Variants in MACROD2 observed in about 807,000 individuals in gnomAD.
MACROD2 encodes the protein ADP-ribose glycohydrolase MACROD2.
MACROD2 carries 36 observed loss-of-function variants against 70.4 expected under a neutral mutation model. The ratio of observed to expected loss-of-function variants is 0.51; its 90% CI spans 0.39 to 0.68. The LOEUF (loss-of-function observed/expected upper bound fraction) is 0.68, where lower values mean the gene tolerates loss of function less well. Among genes scored for constraint, MACROD2 ranks in the 30% least tolerant of loss-of-function variants. The probability of loss-of-function intolerance (pLI) is 0.00; values close to 1 mark genes in which losing one functional copy is unlikely to be tolerated. For missense variants in MACROD2, 496 were observed against 538.4 expected, an observed-to-expected ratio of 0.92 and a Z score of 0.78; for synonymous variants, 172 against 178.8, an observed-to-expected ratio of 0.96 and a Z score of 0.30.
chr20:14,049,992 G>T (rs2053542572), intron 2 of MACROD2, among the ~76,000 whole-genome samples: 1 of 150,636 alleles, frequency 6.6e-6, no homozygotes, highest in South Asian at 2.1e-4. Flanking sequence ...GCAGAGGCAG[G>T]AGAATCGCTT....
chr20:14,066,776 G>A (rs996258730), intron 2 of MACROD2, among the ~76,000 whole-genome samples: 2 of 150,744 alleles, frequency 1.3e-5, no homozygotes, highest in South Asian at 2.1e-4. Flanking sequence ...GACTGATAAG[G>A]CAAAATTATG....
At chr20:15,269,970 G>A (rs2077331203) in intron 6 of MACROD2, among the ~76,000 whole-genome samples, 2 of 152,046 alleles carry the variant, frequency 1.3e-5, no homozygotes, top group Admixed American at 6.6e-5. Flanking sequence ...TTGCATTTAT[G>A]ACAAGACTCT....
chr20:15,555,957 G>A (rs2146596650), intron 8 of MACROD2, among the ~76,000 whole-genome samples: 2 of 151,596 alleles, frequency 1.3e-5, no homozygotes, highest in East Asian at 3.9e-4. Context: ...ATGTTTATTT[G>A]ATTTGGGGAT....
At chr20:14,142,969 A>G (rs1309400077) in intron 3 of MACROD2, among the ~76,000 whole-genome samples, 2 of 152,182 alleles carry the variant, frequency 1.3e-5, no homozygotes, top group Non-Finnish European at 2.9e-5. Context: ...ATGCATGCAC[A>G]CACACGAAAT....
intron 5 of MACROD2, among the ~76,000 whole-genome samples, chr20:14,842,361 G>A (rs2073096397): frequency 6.6e-6 from 1 of 151,970 alleles, no homozygotes; most frequent in African/African-American, 2.4e-5. Context: ...TCAAACCATA[G>A]CAGTACCTTT....
chr20:14,880,607 A>G (rs1409792018), intron 5 of MACROD2, among the ~76,000 whole-genome samples: 3 of 152,184 alleles, frequency 2.0e-5, no homozygotes, highest in Non-Finnish European at 4.4e-5. Context: ...AGCACTATTC[A>G]AGGTTCAGAA....
intron 3 of MACROD2, among the ~76,000 whole-genome samples, chr20:14,276,437 T>G (rs2082257279): frequency 8.2e-6 from 1 of 121,528 alleles, no homozygotes; most frequent in Non-Finnish European, 1.6e-5. Context: ...TGAGAACACA[T>G]GGACACAGGA....
At chr20:15,580,448 C>T (rs888365860) in intron 8 of MACROD2, among the ~76,000 whole-genome samples, 17 of 152,142 alleles carry the variant, frequency 1.1e-4, no homozygotes, top group Non-Finnish European at 1.6e-4. Flanking sequence ...CTGCAAAAGT[C>T]CTCAGAGAAT....
intron 5 of MACROD2, among the ~76,000 whole-genome samples, chr20:15,173,169 C>A (rs1178588785): frequency 1.3e-5 from 2 of 151,846 alleles, no homozygotes; most frequent in Admixed American, 6.6e-5. Flanking sequence ...ACCCTAGACT[C>A]AAAGAAATTA....
rs956908462 is a variant in MACROD2 at position 14,292,596 on chromosome 20, G to A, written c.272-200883G>A. Among the ~76,000 whole-genome samples, 4 of 151,874 alleles carry A rather than the reference G, an allele frequency of 2.6e-5. 1 individual carries two copies. Among genetic ancestry groups the A allele is most frequent in the African/African-American group, 4.8e-5 (2 of 41,240 alleles). ...CATTCTTAAGTATTGACCAGATCAG[G>A]TGAAAAAAACTAAAAGCTCATTCAT... is the stretch of plus-strand genomic sequence containing the variant. On this transcript the variant is annotated intron_variant, in intron 3 of 17. Transcript: ENST00000684519.
intron 1 of MACROD2, among the ~76,000 whole-genome samples, chr20:13,997,794 A>T (rs1396964510): frequency 6.6e-6 from 1 of 152,178 alleles, no homozygotes; most frequent in Non-Finnish European, 1.5e-5. Context: ...GAAGACTTTA[A>T]TGCATATCTC....
chr20:15,083,596 ATTTT>A (rs11477503), intron 5 of MACROD2, among the ~76,000 whole-genome samples: 1 of 148,484 alleles, frequency 6.7e-6, no homozygotes, highest in Non-Finnish European at 1.5e-5. Context: ...ATCAACAATA[ATTTT>A]TTTTTTTTAC....
At chr20:14,317,640 G>A (rs1344067486) in intron 3 of MACROD2, among the ~76,000 whole-genome samples, 1 of 150,660 alleles carries the variant, frequency 6.6e-6, no homozygotes, top group Admixed American at 6.6e-5. Flanking sequence ...AAAAAAATCT[G>A]GATTCCTGTC....
At chr20:15,232,820 C>G (rs2145987327) in intron 6 of MACROD2, among the ~76,000 whole-genome samples, 1 of 152,134 alleles carries the variant, frequency 6.6e-6, no homozygotes, top group East Asian at 1.9e-4. Flanking sequence ...AAACCAAAGG[C>G]TTTAGGATCA....
At chr20:15,398,992 T>C (rs73901018) in intron 6 of MACROD2, among the ~76,000 whole-genome samples, 8,419 of 152,166 alleles carry the variant, frequency 0.055, 621 homozygotes, top group African/African-American at 0.17. Context: ...TTCATATTGT[T>C]GCTTCTGATA....
At chr20:15,769,373 C>T (rs759932362) in intron 8 of MACROD2, among the ~76,000 whole-genome samples, 4 of 152,170 alleles carry the variant, frequency 2.6e-5, no homozygotes, top group Non-Finnish European at 4.4e-5. Context: ...TCTCGAACTC[C>T]GAACATCAGG....
chr20:14,882,264 A>G (rs2073619031), intron 5 of MACROD2, among the ~76,000 whole-genome samples: 1 of 152,178 alleles, frequency 6.6e-6, no homozygotes, highest in East Asian at 1.9e-4. Context: ...TGAATGAATG[A>G]TGCTTTTGCA....
chr20:14,863,095 G>C (rs769492025), intron 5 of MACROD2, among the ~76,000 whole-genome samples: 15 of 151,962 alleles, frequency 9.9e-5, no homozygotes, highest in African/African-American at 1.5e-4. Context: ...AATGAGATCA[G>C]TAAAGCAGAA....
intron 5 of MACROD2, among the ~76,000 whole-genome samples, chr20:14,782,951 G>A (rs2072320674): frequency 6.6e-6 from 1 of 152,086 alleles, no homozygotes; most frequent in Non-Finnish European, 1.5e-5. Context: ...AGGCTGAGGG[G>A]CAAACAAACC....
Sources: allele counts gnomAD v4.1 joint callset (sites outside exome capture counted in the v4.1 genomes callset), GRCh38; gene constraint gnomAD v4.1.1; transcripts MANE v1.5; gene names NCBI Gene and HGNC (gene_info 2026-07-23, HGNC 2026-07-21).